Variants in NR3C2 observed in about 807,000 individuals in gnomAD.
The protein encoded by NR3C2 is nuclear receptor subfamily 3 group C member 2, also known as mineralocorticoid receptor.
NR3C2 carries 15 observed loss-of-function variants against 86.4 expected under a neutral mutation model. The ratio of observed to expected loss-of-function variants is 0.17; its 90% CI spans 0.12 to 0.27. The LOEUF (loss-of-function observed/expected upper bound fraction) is 0.27. NR3C2 is among the 10% of genes least tolerant of loss of function. The pLI, the probability that NR3C2 is intolerant of heterozygous loss-of-function variation, is 1.00. For synonymous variants in NR3C2, 458 were observed against 450.5 expected (o/e 1.02, Z -0.21); for missense variants, 960 against 1,195.6 (o/e 0.80, Z 2.91).
intron 2 of NR3C2, among the ~76,000 whole-genome samples, chr4:148,319,568 A>G (rs1332079144): frequency 2.0e-5 from 3 of 148,946 alleles, no homozygotes; most frequent in Non-Finnish European, 3.0e-5. Flanking sequence ...AGTGGTTTGT[A>G]GTTCTCCTTG....
chr4:148,248,659 T>G (rs1410523521), intron 3 of NR3C2, among the ~76,000 whole-genome samples: 2 of 152,136 alleles, frequency 1.3e-5, no homozygotes, highest in Admixed American at 6.6e-5. Flanking sequence ...TCATAAACAA[T>G]AGAGATCTAC....
chr4:148,080,716 C>A lies in NR3C2; in HGVS notation c.*628G>T. ...CTAGAAATCAAACCAAGGCATTTAA[C>A]ATCATCTTATCCATTCTAATTAAAT... On this transcript the variant is annotated 3_prime_UTR_variant, in exon 9 of 9. Coordinates refer to ENST00000358102, the MANE Select transcript of NR3C2 (RefSeq NM_000901.5). 3.2e-6 allele frequency: 1 copy of A among 309,004 alleles called. No individual in the cohort carries two copies. Among genetic ancestry groups the A allele is most frequent in the African/African-American group, 2.2e-5 (1 of 46,322 alleles). 19.1% of individuals were successfully genotyped at this position (309,004 alleles called of 1,614,324 possible). A position where few individuals can be genotyped will look rare whatever the true frequency, so the allele number is the denominator to read the frequency against.
chr4:148,157,006 G>T (rs934884985), intron 4 of NR3C2, among the ~76,000 whole-genome samples: 3 of 151,684 alleles, frequency 2.0e-5, no homozygotes, highest in African/African-American at 7.3e-5. Context: ...TCCTTTACAG[G>T]GACATGGATG....
intron 2 of NR3C2, among the ~76,000 whole-genome samples, chr4:148,335,583 A>T (rs916262095): frequency 7.2e-5 from 11 of 152,166 alleles, no homozygotes; most frequent in African/African-American, 2.7e-4. Flanking sequence ...CTAAATTGGT[A>T]AAATTTATTT....
At position 148,300,002 on chromosome 4, in the gene NR3C2, T is replaced by A. The variant is rs28848778; in HGVS notation, c.1758-39885A>T. Among the ~76,000 whole-genome samples the A allele has an allele frequency of 9.7e-3, 1,480 of 152,324 alleles. 16 individuals carry two copies. Among genetic ancestry groups the A allele is most frequent in the African/African-American group, 0.034 (1,421 of 41,570 alleles). On this transcript the variant is annotated intron_variant, in intron 2 of 8. Transcript: ENST00000358102. ...GCCTTAAGCTGTAGCCAATATGGTGTGCTTTCCATGTTTTACTGTATGGTT... is the reference window on the plus strand; with the variant it reads ...GCCTTAAGCTGTAGCCAATATGGTGAGCTTTCCATGTTTTACTGTATGGTT...
upstream of NR3C2, chr4:148,444,394 C>T (rs1750493957): frequency 1.0e-6 from 1 of 986,562 alleles, no homozygotes; most frequent in Non-Finnish European, 1.2e-6. Flanking sequence ...GTCTCCTGCC[C>T]GCATCCCACC....
At chr4:148,157,221 G>A (rs1321477326) in intron 4 of NR3C2, among the ~76,000 whole-genome samples, 1 of 150,102 alleles carries the variant, frequency 6.7e-6, no homozygotes, top group African/African-American at 2.5e-5. Flanking sequence ...CGAGTTAATG[G>A]GTGCAGCACA....
intron 3 of NR3C2, among the ~76,000 whole-genome samples, chr4:148,216,614 A>G: frequency 6.6e-6 from 1 of 152,302 alleles, no homozygotes; most frequent in South Asian, 2.1e-4. Context: ...TTTTCAAAAT[A>G]CTTTCAATTT....
At chr4:148,410,254 G>T (rs1452048706) in intron 2 of NR3C2, among the ~76,000 whole-genome samples, 1 of 152,108 alleles carries the variant, frequency 6.6e-6, no homozygotes, top group Non-Finnish European at 1.5e-5. Flanking sequence ...CAAACCAGCT[G>T]GCTGCTTCTC....
intron 2 of NR3C2, among the ~76,000 whole-genome samples, chr4:148,285,671 A>C (rs938517548): frequency 6.6e-6 from 1 of 152,032 alleles, no homozygotes; most frequent in African/African-American, 2.4e-5. Context: ...TGTGCCACTG[A>C]CCTCCAGCCT....
At chr4:148,093,522 G>A (rs1034038910) in intron 8 of NR3C2, among the ~76,000 whole-genome samples, 4 of 152,204 alleles carry the variant, frequency 2.6e-5, no homozygotes, top group Admixed American at 6.5e-5. Context: ...TAATTGGAGT[G>A]AGCTTTTGCC....
intron 8 of NR3C2, among the ~76,000 whole-genome samples, chr4:148,087,850 A>G (rs978953351): frequency 4.6e-5 from 7 of 152,230 alleles, no homozygotes; most frequent in Admixed American, 2.6e-4. Flanking sequence ...AATGGCAACA[A>G]CAGCCAAAAT....
rs1409261036 is a variant in NR3C2 at position 148,274,436 on chromosome 4, GT to G, written c.1758-14320del. 5.3e-5 allele frequency among the ~76,000 whole-genome samples: 8 copies of G among 152,170 alleles called. No homozygotes were observed. In the East Asian group the frequency reaches 1.5e-3, roughly 29 times the overall value. On this transcript the variant is annotated intron_variant, in intron 2 of 8. Transcript: ENST00000358102. ...CCTCATAGGTTGAGGGTGGGACCCG[GT>G]GGGAGGTGTATGGATCATGGGGGTG...
At chr4:148,171,197 A>T (rs1420635431) in intron 4 of NR3C2, among the ~76,000 whole-genome samples, 2 of 152,248 alleles carry the variant, frequency 1.3e-5, no homozygotes, top group Non-Finnish European at 2.9e-5. Flanking sequence ...ACCTGGAGGT[A>T]AAAAGGTCCA....
In NR3C2 at chr4:148,249,479, T is replaced by C. The variant is rs555743022; in HGVS notation, c.1897+10499A>G. Among the ~76,000 whole-genome samples, 27 of 152,328 alleles carry C rather than the reference T, an allele frequency of 1.8e-4. No homozygotes were observed. In the East Asian group the frequency reaches 4.4e-3, roughly 25 times the overall value. On this transcript the variant is annotated intron_variant, in intron 3 of 8. Coordinates refer to ENST00000358102, the MANE Select transcript of NR3C2 (RefSeq NM_000901.5). The stretch of plus-strand genomic sequence containing the variant: ...ATAAGTGACCTTTCAATCTTGTTGA[T>C]AGTTATGATGCCCTCCTAGATTTGT...
At chr4:148,136,064 A>AAC (rs1278404469) in intron 6 of NR3C2, among the ~76,000 whole-genome samples, 5 of 58,892 alleles carry the variant, frequency 8.5e-5, no homozygotes, top group African/African-American at 2.4e-4. Flanking sequence ...CTCAAAAAAA[A>AAC]AAAAAAAAAA....
chr4:148,101,597 A>G lies in NR3C2; in HGVS notation c.2799+12507T>C, dbSNP rs143463488. On this transcript the variant is annotated intron_variant, in intron 8 of 8. Transcript: ENST00000358102. ...ATGCTGAACTCTTCACATGTGTGATATATACACATCCTCACATATATACAC... is the reference window on the plus strand; with the variant it reads ...ATGCTGAACTCTTCACATGTGTGATGTATACACATCCTCACATATATACAC... Among the ~76,000 whole-genome samples, 911 of 152,350 alleles carry G rather than the reference A, an allele frequency of 6.0e-3. 8 individuals are homozygous for G. Among genetic ancestry groups the G allele is most frequent in the African/African-American group, 0.021 (858 of 41,574 alleles).
chr4:148,139,557 T>C (rs1733513637), intron 6 of NR3C2, among the ~76,000 whole-genome samples: 1 of 152,156 alleles, frequency 6.6e-6, no homozygotes, highest in Admixed American at 6.5e-5. Context: ...ATTCCACTGC[T>C]TCTGTTGAAG....
rs140270518 is a variant in NR3C2 at position 148,273,977 on chromosome 4, G to T, written c.1758-13860C>A. Among the ~76,000 whole-genome samples the T allele has an allele frequency of 2.7e-3, 406 of 152,128 alleles. 4 individuals are homozygous for T. The highest frequency in any genetic ancestry group is 9.1e-3 in the African/African-American group (379 of 41,492). On this transcript the variant is annotated intron_variant, in intron 2 of 8. Transcript: ENST00000358102. ...ATGTCAAGGGCAGATAAACTTTGAG[G>T]TCTGTAGAAGCCAGCTTCACACTAG...
Sources: gnomAD v4.1 joint callset for allele counts (sites outside exome capture counted in the v4.1 genomes callset) on GRCh38, gnomAD v4.1.1 for gene constraint, MANE v1.5 for transcripts, NCBI Gene and HGNC (gene_info 2026-07-23, HGNC 2026-07-21) for gene names.